The following SEMA4B variants were observed in gnomAD, a reference collection of about 807,000 sequenced individuals.
SEMA4B encodes the protein semaphorin 4B.
Under a neutral mutation model 88.1 loss-of-function variants are expected in SEMA4B, and 55 were observed. The ratio of observed to expected loss-of-function variants is 0.62; its 90% confidence interval spans 0.50 to 0.78. SEMA4B has a LOEUF of 0.78. Among genes scored for constraint, SEMA4B ranks in the 30% least tolerant of loss-of-function variants. The pLI, the probability that SEMA4B is intolerant of heterozygous loss-of-function variation, is 0.00. For synonymous variants in SEMA4B, 525 were observed against 473.6 expected (o/e 1.11, Z -1.41); for missense variants, 1,062 against 1,111.9 (o/e 0.96, Z 0.64).
intron 9 of SEMA4B, 43 bp from the exon 10 acceptor site, chr15:90,224,925 C>G: frequency 1.9e-6 from 3 of 1,562,596 alleles, no homozygotes; most frequent in Non-Finnish European, 2.6e-6. Context: ...CTGCCTGCCA[C>G]CCCGAGGTGT....
Position 90,201,382 on chromosome 15 carries a change from AGGACTGCGGTGCC to A in SEMA4B, c.-196_-184del. On this transcript the variant is annotated 5_prime_UTR_variant, in exon 1 of 14. Transcript: ENST00000411539. ...AGGCTGCGGGGCCGGCGCCGGCGGGAGGACTGCGGTGCCCCGCGGAGGGGCTGAGTTTGCCAGG... is the reference window on the plus strand; with the variant it reads ...AGGCTGCGGGGCCGGCGCCGGCGGGACCGCGGAGGGGCTGAGTTTGCCAGG... 2 of 1,247,330 alleles carry A rather than the reference AGGACTGCGGTGCC, an allele frequency of 1.6e-6. No individual in the cohort carries two copies. The highest frequency in any genetic ancestry group is 2.0e-6 in the Non-Finnish European group (2 of 996,014). 77.3% of individuals were successfully genotyped at this position (1,247,330 alleles called of 1,614,324 possible). A position where few individuals can be genotyped will look rare whatever the true frequency, so the allele number is the denominator to read the frequency against.
chr15:90,222,173 C>T (rs901170093), intron 7 of SEMA4B, among the ~76,000 whole-genome samples: 5 of 150,116 alleles, frequency 3.3e-5, no homozygotes, highest in African/African-American at 1.2e-4. Context: ...CTCCTGGGCT[C>T]AAACAATCCA....
At chr15:90,203,375 G>A (rs1202947838) in intron 1 of SEMA4B, among the ~76,000 whole-genome samples, 5 of 152,150 alleles carry the variant, frequency 3.3e-5, no homozygotes, top group Non-Finnish European at 7.3e-5. Context: ...TTGGGAGAAG[G>A]CAGGGTGAGA....
intron 12 of SEMA4B, 174 bp from the exon 13 acceptor site, chr15:90,227,383 T>C (rs1962223481): frequency 1.7e-6 from 1 of 602,676 alleles, no homozygotes; most frequent in East Asian, 2.8e-5. Flanking sequence ...TTAAGGGAAG[T>C]GTTATCTTAG....
At position 90,217,468 on chromosome 15, in the gene SEMA4B, G is replaced by C; in HGVS notation, c.187G>C (p.Glu63Gln). ...GSEERPFLRF[E>Q]AEHISNYTAL... ...TGAAGAGCGGCCATTCCTCAGATTCGAAGCTGAACACATCTCCAACTACAC... is the reference window on the plus strand; with the variant it reads ...TGAAGAGCGGCCATTCCTCAGATTCCAAGCTGAACACATCTCCAACTACAC... The change falls in exon 2 of 14, where the codon GAA (glutamate) becomes CAA (glutamine). Residue 63 changes from glutamate (E) to glutamine (Q), a missense_variant. Transcript: ENST00000411539. 1.2e-6 allele frequency: 2 copies of C among 1,613,736 alleles called. No homozygotes were observed. The highest frequency in any genetic ancestry group is 4.5e-5 in the East Asian group (2 of 44,876).
At position 90,209,398 on chromosome 15, in the gene SEMA4B, T is replaced by A. The variant is rs532357645; in HGVS notation, c.157+7663T>A. 5.2e-3 allele frequency among the ~76,000 whole-genome samples: 781 copies of A among 151,078 alleles called. 3 individuals are homozygous for A. The highest frequency in any genetic ancestry group is 0.018 in the African/African-American group (740 of 41,232). On this transcript the variant is annotated intron_variant, in intron 1 of 13. Coordinates refer to ENST00000411539, the MANE Select transcript of SEMA4B (RefSeq NM_198925.4). ...AAACCCCATCTCTACTAAAAAAATA[T>A]ATATATATATACAAAAATTAGCCGG...
intron 1 of SEMA4B, among the ~76,000 whole-genome samples, chr15:90,185,417 C>T (rs927501170): frequency 6.6e-6 from 1 of 152,248 alleles, no homozygotes; most frequent in Non-Finnish European, 1.5e-5. Context: ...AGGCCTGGGC[C>T]CCTGCGGAAT....
chr15:90,222,995 G>A (rs1454332855), intron 7 of SEMA4B, among the ~76,000 whole-genome samples: 1 of 127,068 alleles, frequency 7.9e-6, no homozygotes, highest in African/African-American at 3.2e-5. Flanking sequence ...TTTTGAGACA[G>A]GGTCTCACTT....
chr15:90,188,217 G>A (rs548569038), intron 1 of SEMA4B, among the ~76,000 whole-genome samples: 4 of 152,198 alleles, frequency 2.6e-5, no homozygotes, highest in Non-Finnish European at 4.4e-5. Context: ...TATCCAGGGC[G>A]CTGAGGTAGA....
intron 1 of SEMA4B, among the ~76,000 whole-genome samples, chr15:90,194,836 A>T (rs1212423954): frequency 6.6e-6 from 1 of 152,228 alleles, no homozygotes; most frequent in African/African-American, 2.4e-5. Context: ...ATGCACATAC[A>T]TATATATGCA....
At chr15:90,193,349 A>G (rs1960403012) in intron 1 of SEMA4B, 1 of 152,224 alleles carries the variant, frequency 6.6e-6, no homozygotes, top group Non-Finnish European at 1.5e-5. Flanking sequence ...GGGAGCCCGC[A>G]AAGACCAAAG....
In SEMA4B at chr15:90,227,615, G is replaced by A; in HGVS notation, c.1747G>A (p.Val583Ile). The change falls in exon 13 of 14, where the codon GTT becomes ATT. Residue 583 changes from valine to isoleucine, a missense_variant. Physicochemically the swap from Val to Ile is conservative, Grantham distance 29 (BLOSUM62 3). Coordinates refer to ENST00000411539, the MANE Select transcript of SEMA4B (RefSeq NM_198925.4). ...SAKDLCSASS[V>I]VSPSFVPTGE... is the part of the protein sequence containing the mutation. Reference sequence around the variant, plus strand: ...CAAGGACCTTTGCAGCGCGTCTTCGGTTGTGTCCCCGTCTTTTGTACCAAC... The same window carrying A: ...CAAGGACCTTTGCAGCGCGTCTTCGATTGTGTCCCCGTCTTTTGTACCAAC... 2.5e-6 allele frequency: 4 copies of A among 1,614,052 alleles called. No individual in the cohort carries two copies. Among genetic ancestry groups the A allele is most frequent in the Non-Finnish European group, 3.4e-6 (4 of 1,179,892 alleles).
At chr15:90,204,261 T>G (rs1960885888) in intron 1 of SEMA4B, among the ~76,000 whole-genome samples, 1 of 152,204 alleles carries the variant, frequency 6.6e-6, no homozygotes, top group Non-Finnish European at 1.5e-5. Context: ...TCTTTCCTCC[T>G]GCCACTCACT....
chr15:90,218,103 G>A (rs1167030301), intron 3 of SEMA4B, among the ~76,000 whole-genome samples: 1 of 152,202 alleles, frequency 6.6e-6, no homozygotes, highest in Non-Finnish European at 1.5e-5. Flanking sequence ...TGAGGATTCA[G>A]GAAGCTAATA....
intron 1 of SEMA4B, among the ~76,000 whole-genome samples, chr15:90,185,910 C>A (rs1394527373): frequency 1.4e-5 from 2 of 145,142 alleles, no homozygotes; most frequent in African/African-American, 5.1e-5. Flanking sequence ...AGGCCATGGC[C>A]GTTTCTTTTG....
chr15:90,226,489 C>T (rs1389306418), intron 12 of SEMA4B, among the ~76,000 whole-genome samples: 1 of 152,082 alleles, frequency 6.6e-6, no homozygotes, highest in Admixed American at 6.6e-5. Flanking sequence ...TACAGGTGCC[C>T]GCCACCATGC....
At chr15:90,208,668 T>G (rs1272851646) in intron 1 of SEMA4B, among the ~76,000 whole-genome samples, 1 of 152,210 alleles carries the variant, frequency 6.6e-6, no homozygotes, top group Non-Finnish European at 1.5e-5. Flanking sequence ...CCCCTTCCAG[T>G]CCGTGAAGCT....
At chr15:90,206,911 G>T in intron 1 of SEMA4B, 1 of 681,422 alleles carries the variant, frequency 1.5e-6, no homozygotes, top group South Asian at 1.4e-5. Context: ...TAAGGACTAT[G>T]GCAAGGAGTC....
At position 90,220,010 on chromosome 15, in the gene SEMA4B, A is replaced by T. The variant is rs1961729526; in HGVS notation, c.483+119A>T. ...AGGCAGGGCCCAGAGGGAGGTTTCT[A>T]GGTACCACTGGCCTCCAAGAGCCCT... On this transcript the variant is annotated intron_variant, in intron 4 of 13. Coordinates refer to ENST00000411539, the MANE Select transcript of SEMA4B (RefSeq NM_198925.4). The T allele has an allele frequency of 1.1e-5, 8 of 714,024 alleles. No homozygotes were observed. In the Admixed American group the frequency reaches 1.3e-4, roughly 11 times the overall value. 44.2% of individuals were successfully genotyped at this position (714,024 alleles called of 1,614,324 possible). A position where few individuals can be genotyped will look rare whatever the true frequency, so the allele number is the denominator to read the frequency against.
Sources: gnomAD v4.1 joint callset for allele counts (sites outside exome capture counted in the v4.1 genomes callset) on GRCh38, gnomAD v4.1.1 for gene constraint, MANE v1.5 for transcripts, NCBI Gene and HGNC (gene_info 2026-07-23, HGNC 2026-07-21) for gene names.